The following KIF13B variants were observed in gnomAD, a reference collection of about 807,000 sequenced individuals.
KIF13B encodes the protein kinesin family member 13B.
A neutral mutation model predicts 222.0 loss-of-function variants in KIF13B; 127 were observed. That is an observed-to-expected ratio of 0.57 (90% CI 0.50 to 0.66). The LOEUF is 0.66. Among genes scored for constraint, KIF13B ranks in the 30% least tolerant of loss-of-function variants. The pLI, the probability that KIF13B is intolerant of heterozygous loss-of-function variation, is 0.00. For synonymous variants in KIF13B, 976 were observed against 919.0 expected (o/e 1.06, Z -1.12); for missense variants, 2,173 against 2,379.0 (o/e 0.91, Z 1.80).
chr8:29,160,668 T>C (rs1811736165), intron 13 of KIF13B, 65 bp downstream of exon 13: 1 of 1,461,616 alleles, frequency 6.8e-7, no homozygotes, highest in East Asian at 2.4e-5. Context: ...CCAAGTTTAC[T>C]AAAGTACTGT....
chr8:29,171,475 T>G (rs1812234726), intron 10 of KIF13B, among the ~76,000 whole-genome samples: 1 of 152,138 alleles, frequency 6.6e-6, no homozygotes, highest in Non-Finnish European at 1.5e-5. Flanking sequence ...GATGGGCAAT[T>G]GTACAAGTTC....
chr8:29,218,424 A>G (rs1215288485), intron 2 of KIF13B, among the ~76,000 whole-genome samples: 3 of 152,226 alleles, frequency 2.0e-5, no homozygotes, highest in African/African-American at 4.8e-5. Flanking sequence ...ACTGTTAGAC[A>G]TGAGACCTTA....
rs376821102 is a variant in KIF13B at position 29,132,495 on chromosome 8, C to A, written c.2785-30G>T. The A allele has an allele frequency of 1.6e-4, 220 of 1,383,950 alleles. 1 individual carries two copies. The highest frequency in any genetic ancestry group is 1.1e-4 in the Admixed American group (4 of 37,550). 85.7% of individuals were successfully genotyped at this position (1,383,950 alleles called of 1,614,324 possible). A position where few individuals can be genotyped will look rare whatever the true frequency, so the allele number is the denominator to read the frequency against. On this transcript the variant is annotated intron_variant, in intron 22 of 39. Transcript: ENST00000524189. Reference sequence around the variant, plus strand: ...AACACAACAGCTAATTACAGAAGAGCAAACTCTTTCTGGTAATCTTATGAT... The same window carrying A: ...AACACAACAGCTAATTACAGAAGAGAAAACTCTTTCTGGTAATCTTATGAT...
intron 2 of KIF13B, among the ~76,000 whole-genome samples, chr8:29,203,701 G>A (rs551018940): frequency 6.6e-6 from 1 of 152,074 alleles, no homozygotes; most frequent in African/African-American, 2.4e-5. Flanking sequence ...GACCAGCCTG[G>A]CCAATATGGT....
intron 10 of KIF13B, among the ~76,000 whole-genome samples, chr8:29,168,733 GC>G (rs1015675480): frequency 2.6e-5 from 4 of 152,228 alleles, no homozygotes; most frequent in Middle Eastern, 3.4e-3. Context: ...GATGACGGCA[GC>G]CCCCCATCCC....
intron 10 of KIF13B, among the ~76,000 whole-genome samples, chr8:29,172,972 T>C (rs921969326): frequency 1.8e-4 from 28 of 151,624 alleles, no homozygotes; most frequent in Admixed American, 2.6e-4. Context: ...TGGAATGCAA[T>C]GGCATGATAT....
intron 15 of KIF13B, among the ~76,000 whole-genome samples, chr8:29,149,735 C>G (rs1263933512): frequency 6.6e-6 from 1 of 152,156 alleles, no homozygotes; most frequent in Non-Finnish European, 1.5e-5. Context: ...CTTCAGGCCA[C>G]AGAGAGATGC....
Position 29,147,620 on chromosome 8 carries a change from A to G in KIF13B, c.1814-18T>C. Reference sequence around the variant, plus strand: ...CATCGGATCTAAACACATTTTTAAAAAAGATACATGATCGAGAGTTACAAC... The same window carrying G: ...CATCGGATCTAAACACATTTTTAAAGAAGATACATGATCGAGAGTTACAAC... On this transcript the variant is annotated intron_variant, in intron 16 of 39. Transcript: ENST00000524189. 6.4e-7 allele frequency: 1 copy of G among 1,554,736 alleles called. No individual in the cohort carries two copies. Among genetic ancestry groups the G allele is most frequent in the Middle Eastern group, 1.7e-4 (1 of 5,984 alleles).
At chr8:29,174,143 AT>A (rs1311194955) in intron 10 of KIF13B, among the ~76,000 whole-genome samples, 1 of 152,120 alleles carries the variant, frequency 6.6e-6, no homozygotes, top group African/African-American at 2.4e-5. Context: ...CTTTGAGCAA[AT>A]TTTTTTATAT....
intron 2 of KIF13B, among the ~76,000 whole-genome samples, chr8:29,207,386 G>C (rs770647747): frequency 1.4e-4 from 21 of 152,126 alleles, no homozygotes; most frequent in Non-Finnish European, 3.1e-4. Context: ...TCTTTTCTAA[G>C]GAAGTATCAA....
intron 1 of KIF13B, among the ~76,000 whole-genome samples, chr8:29,258,229 C>T (rs1425221840): frequency 1.3e-5 from 2 of 152,192 alleles, no homozygotes; most frequent in Non-Finnish European, 2.9e-5. Context: ...TAAGCTTCCT[C>T]GCACTTGCTG....
intron 2 of KIF13B, among the ~76,000 whole-genome samples, chr8:29,204,592 T>C (rs899019728): frequency 6.6e-6 from 1 of 152,226 alleles, no homozygotes; most frequent in Non-Finnish European, 1.5e-5. Flanking sequence ...CAAAGAATAC[T>C]GACTCATTTG....
intron 2 of KIF13B, among the ~76,000 whole-genome samples, chr8:29,217,223 G>A (rs1563797854): frequency 6.6e-6 from 1 of 152,204 alleles, no homozygotes; most frequent in Admixed American, 6.5e-5. Flanking sequence ...CCTGCTAAGT[G>A]TGTCACTCAA....
chr8:29,130,128 T>C (rs1265267902), intron 24 of KIF13B, among the ~76,000 whole-genome samples: 1 of 152,256 alleles, frequency 6.6e-6, no homozygotes, highest in Non-Finnish European at 1.5e-5. Context: ...TATGTTTGGT[T>C]TATGTCCTAC....
At chr8:29,240,699 G>T (rs1330824779) in intron 2 of KIF13B, among the ~76,000 whole-genome samples, 1 of 152,220 alleles carries the variant, frequency 6.6e-6, no homozygotes, top group Non-Finnish European at 1.5e-5. Flanking sequence ...ATCTGGCCAG[G>T]AGTGTTTGGC....
chr8:29,148,732 C>T lies in KIF13B; in HGVS notation c.1658G>A (p.Arg553Gln), dbSNP rs763432345. The T allele has an allele frequency of 6.9e-6, 11 of 1,600,592 alleles. No homozygotes were observed. The highest frequency in any genetic ancestry group is 1.1e-5 in the South Asian group (1 of 87,544). Reference protein sequence around the residue: ...NLPKKKKKAEREDEDQDPSMK... With the variant: ...NLPKKKKKAEQEDEDQDPSMK... ...GGAGGGATCCTGGTCCTCATCCTCT[C>T]GTTCTGCTTTCTTTTTCTTTTTAGG... The change falls in exon 16 of 40, where the codon CGA becomes CAA. Residue 553 changes from arginine to glutamine, a missense_variant. Physicochemically the swap from Arg to Gln is conservative, Grantham distance 43 (BLOSUM62 1). Transcript: ENST00000524189.
intron 2 of KIF13B, among the ~76,000 whole-genome samples, chr8:29,243,394 CACCCGTAA>C (rs1317018819): frequency 6.6e-6 from 1 of 151,116 alleles, no homozygotes; most frequent in Non-Finnish European, 1.5e-5. Flanking sequence ...TGGTGGCTCA[CACCCGTAA>C]TCCCAGCACT....
At chr8:29,098,824 G>C (rs1808661382) in intron 36 of KIF13B, among the ~76,000 whole-genome samples, 1 of 151,936 alleles carries the variant, frequency 6.6e-6, no homozygotes, top group Non-Finnish European at 1.5e-5. Context: ...AAGACATGAA[G>C]ATGAGAAGAT....
chr8:29,088,067 A>C (rs1808126326), intron 37 of KIF13B, among the ~76,000 whole-genome samples: 1 of 152,104 alleles, frequency 6.6e-6, no homozygotes. Flanking sequence ...AGAGATCGAG[A>C]CCATCCTGGC....
Sources: gnomAD v4.1 joint callset for allele counts (sites outside exome capture counted in the v4.1 genomes callset) on GRCh38, gnomAD v4.1.1 for gene constraint, MANE v1.5 for transcripts, NCBI Gene and HGNC (gene_info 2026-07-23, HGNC 2026-07-21) for gene names.